Variants in ADCY7 observed in about 807,000 individuals in gnomAD.
The protein encoded by ADCY7 is adenylate cyclase type 7.
A neutral mutation model predicts 120.6 loss-of-function variants in ADCY7; 72 were observed. The ratio of observed to expected loss-of-function variants is 0.60; its 90% CI spans 0.49 to 0.73. The LOEUF is 0.73. ADCY7 is among the 30% of genes least tolerant of loss of function. The pLI, the probability that ADCY7 is intolerant of heterozygous loss-of-function variation, is 0.00. For missense variants in ADCY7, 1,227 were observed against 1,486.0 expected (o/e 0.83, Z 2.87); for synonymous variants, 661 against 628.0 (o/e 1.05, Z -0.78).
chr16:50,245,687 TGGGAGGAGGGCAC>T (rs1427408566), upstream of ADCY7, among the ~76,000 whole-genome samples: 2 of 152,012 alleles, frequency 1.3e-5, no homozygotes, highest in African/African-American at 4.8e-5. Context: ...TCCCCCGGCT[TGGGAGGAGGGCAC>T]TGGCCCGCCG....
chr16:50,261,058 G>A (rs1291658815), intron 1 of ADCY7, among the ~76,000 whole-genome samples: 1 of 152,206 alleles, frequency 6.6e-6, no homozygotes, highest in Non-Finnish European at 1.5e-5. Flanking sequence ...AAGTGAATGA[G>A]AACACTTTCC....
chr16:50,257,226 G>A (rs1596795430), intron 1 of ADCY7, among the ~76,000 whole-genome samples: 1 of 150,970 alleles, frequency 6.6e-6, no homozygotes, highest in African/African-American at 2.4e-5. Context: ...CAAAACAAAT[G>A]CAAAAGACCA....
intron 1 of ADCY7, among the ~76,000 whole-genome samples, chr16:50,270,717 C>G (rs955226699): frequency 3.9e-5 from 6 of 152,208 alleles, no homozygotes; most frequent in Non-Finnish European, 8.8e-5. Flanking sequence ...ATCCCTCGGA[C>G]TAATCATTTT....
chr16:50,260,016 G>A (rs1424639359), intron 1 of ADCY7, among the ~76,000 whole-genome samples: 2 of 152,228 alleles, frequency 1.3e-5, no homozygotes, highest in Non-Finnish European at 2.9e-5. Context: ...CCATCGAGCT[G>A]TGCTGCCTCT....
intron 14 of ADCY7, among the ~76,000 whole-genome samples, chr16:50,306,679 G>A (rs921945972): frequency 6.6e-5 from 10 of 152,306 alleles, no homozygotes; most frequent in South Asian, 6.2e-4. Context: ...TTGGGGCCAT[G>A]AGCTCTGCAG....
chr16:50,301,343 G>A, intron 10 of ADCY7, 129 bp downstream of exon 10: 2 of 1,268,984 alleles, frequency 1.6e-6, no homozygotes, highest in Non-Finnish European at 2.1e-6. Flanking sequence ...TGCCTGGGCA[G>A]GAGTGAGCTC....
Position 50,304,940 on chromosome 16 carries a change from C to T in ADCY7, c.1576C>T (p.His526Tyr). 1 of 1,613,574 alleles carries T rather than the reference C, an allele frequency of 6.2e-7. No homozygotes were observed. ...TCCCTTTCAGAGCGTTCCCCAGCGC[C>T]ACCGCCGGACCCCAGACAGGTGCGT... ...GRRPKSVPQR[H>Y]RRTPDRSMSP... Residue 526 changes from histidine (H) to tyrosine (Y), a missense_variant, in exon 12 of 26, where the codon CAC (histidine) becomes TAC (tyrosine). Transcript: ENST00000673801.
intron 3 of ADCY7, among the ~76,000 whole-genome samples, chr16:50,291,073 C>T (rs2034922390): frequency 6.6e-6 from 1 of 152,040 alleles, no homozygotes; most frequent in Non-Finnish European, 1.5e-5. Context: ...GGCTGCCCAC[C>T]CCAGTTGAGA....
intron 1 of ADCY7, among the ~76,000 whole-genome samples, chr16:50,269,087 TG>T (rs1285905332): frequency 6.6e-6 from 1 of 152,202 alleles, no homozygotes; most frequent in African/African-American, 2.4e-5. Context: ...ACTCGATGGT[TG>T]CACTGGGGAC....
chr16:50,304,627 T>TC, intron 11 of ADCY7, 76 bp downstream of exon 11: 13 of 1,388,988 alleles, frequency 9.4e-6, no homozygotes, highest in Non-Finnish European at 1.3e-5. Context: ...GCTGAAGATC[T>TC]CCTGCCCTCT....
At position 50,297,393 on chromosome 16, in the gene ADCY7, T is replaced by A. The variant is rs968502012; in HGVS notation, c.949-1511T>A. 3.9e-5 allele frequency among the ~76,000 whole-genome samples: 6 copies of A among 152,126 alleles called. No homozygotes were observed. Among genetic ancestry groups the A allele is most frequent in the Non-Finnish European group, 8.8e-5 (6 of 68,006 alleles). ...TGGCCTCTCCTACATCCCCGAGAGC[T>A]GGGCTGGGTCCATGGGCAGTCCTGT... On this transcript the variant is annotated intron_variant, in intron 7 of 25. Transcript: ENST00000673801. This position sits in a 1 kb window ranked among gnomAD's most constrained non-coding sequence, Gnocchi z 4.4.
intron 1 of ADCY7, among the ~76,000 whole-genome samples, chr16:50,261,441 C>T (rs999635438): frequency 3.3e-5 from 5 of 151,940 alleles, no homozygotes; most frequent in Admixed American, 1.3e-4. Flanking sequence ...TGGGGGTCCC[C>T]GAGAGGCAGG....
chr16:50,245,923 G>A (rs1462742101), upstream of ADCY7, among the ~76,000 whole-genome samples: 7 of 146,910 alleles, frequency 4.8e-5, no homozygotes, highest in African/African-American at 1.7e-4. Flanking sequence ...TCCCTCCCGC[G>A]GCAGCGCCTT....
chr16:50,294,632 AT>A lies in ADCY7; in HGVS notation c.837-7del. On this transcript the variant is annotated splice_region_variant and splice_polypyrimidine_tract_variant and intron_variant, in intron 6 of 25. Coordinates refer to ENST00000673801, the MANE Select transcript of ADCY7 (RefSeq NM_001114.5). ...CTGACACTCCCTCCCACCCTGCCCC[AT>A]CCCCAGCATCCTCTATGCGGACATC... The A allele has an allele frequency of 1.2e-6, 1 of 836,856 alleles. No individual in the cohort carries two copies. The allele number at this position is 836,856 out of a possible 1,614,324, so 51.8% of individuals were successfully genotyped here.
In ADCY7 at chr16:50,304,439, G is replaced by A. The variant is rs867814042; in HGVS notation, c.1448G>A (p.Arg483His). 1.9e-6 allele frequency: 3 copies of A among 1,607,762 alleles called. No homozygotes were observed. Among genetic ancestry groups the A allele is most frequent in the East Asian group, 2.2e-5 (1 of 44,712 alleles). ...GCCCTGAAGATGCGGGCGTCAGTGC[G>A]CATGACCCGGTACCTCGAGTCCTGG... ...DAALKMRASV[R>H]MTRYLESWGA... Residue 483 changes from arginine to histidine, a missense_variant, in exon 11 of 26, where the codon CGC becomes CAC. Physicochemically the swap from Arg to His is conservative, Grantham distance 29. This residue lies in a region of ADCY7 where 332 missense variants were observed against 455.8 expected (regional missense o/e 0.73). Transcript: ENST00000673801.
chr16:50,268,042 G>C (rs1288130906), intron 1 of ADCY7, among the ~76,000 whole-genome samples: 1 of 152,112 alleles, frequency 6.6e-6, no homozygotes, highest in Non-Finnish European at 1.5e-5. Flanking sequence ...CAGAAGGGCA[G>C]GTGTGAGCTT....
At chr16:50,295,750 G>A (rs1223890792) in intron 7 of ADCY7, among the ~76,000 whole-genome samples, 2 of 152,148 alleles carry the variant, frequency 1.3e-5, no homozygotes, top group Non-Finnish European at 2.9e-5. Context: ...GGTAAGGCAA[G>A]CAACATTTCC....
chr16:50,288,053 C>A lies in ADCY7; in HGVS notation c.-127C>A. 8.5e-7 allele frequency: 1 copy of A among 1,174,710 alleles called. No homozygotes were observed. Among genetic ancestry groups the A allele is most frequent in the Non-Finnish European group, 1.2e-6 (1 of 863,954 alleles). 72.8% of individuals were successfully genotyped at this position (1,174,710 alleles called of 1,614,324 possible). A position where few individuals can be genotyped will look rare whatever the true frequency, so the allele number is the denominator to read the frequency against. ...CAGGCCCAGAGGCCCTCTCCCCAGC[C>A]CTGCTTGCCTGCCTCGGAGAGGACA... On this transcript the variant is annotated 5_prime_UTR_variant, in exon 2 of 26. Coordinates refer to ENST00000673801, the MANE Select transcript of ADCY7 (RefSeq NM_001114.5).
In ADCY7 at chr16:50,259,631, G is replaced by A. The variant is rs576338991; in HGVS notation, c.-64+13428G>A. Among the ~76,000 whole-genome samples, 7 of 152,196 alleles carry A rather than the reference G, an allele frequency of 4.6e-5. No homozygotes were observed. The South Asian group carries it at 1.0e-3, about 22-fold the overall frequency. On this transcript the variant is annotated intron_variant, in intron 1 of 4. Coordinates refer to the ADCY7 transcript ENST00000564044. ...GAGTGGGCTTTGTCGCTTACATGAA[G>A]TCGGGCTGTTCATCTTTCCTTGTTG...
Sources: gnomAD v4.1 joint callset for allele counts (sites outside exome capture counted in the v4.1 genomes callset) on GRCh38, gnomAD v4.1.1 for gene constraint, gnomAD v4.1.1 regional missense constraint, Gnocchi (gnomAD v3.1) non-coding constraint, MANE v1.5 for transcripts, NCBI Gene and HGNC (gene_info 2026-07-23, HGNC 2026-07-21) for gene names.